Variants in ZFHX3 observed in about 807,000 individuals in gnomAD.
The protein encoded by ZFHX3 is zinc finger homeobox protein 3.
A neutral mutation model predicts 279.1 loss-of-function variants in ZFHX3; 42 were observed. The observed-to-expected ratio is 0.15, with a 90% CI of 0.12 to 0.19. The LOEUF is 0.19. Among genes scored for constraint, ZFHX3 ranks in the 10% least tolerant of loss-of-function variants. The pLI is 1.00. For missense variants in ZFHX3, 4,981 were observed against 4,754.0 expected, an observed-to-expected ratio of 1.05 and a Z score of -1.40; for synonymous variants, 2,293 against 1,957.8, an observed-to-expected ratio of 1.17 and a Z score of -4.52.
chr16:73,487,195 A>T (rs1384258582), intron 2 of ZFHX3, among the ~76,000 whole-genome samples: 1 of 152,194 alleles, frequency 6.6e-6, no homozygotes, highest in African/African-American at 2.4e-5. Flanking sequence ...AGGATTCCCG[A>T]GTGGAGGTTC....
chr16:73,362,849 A>C lies in ZFHX3; in HGVS notation c.-1290-44513T>G, dbSNP rs190192877. On this transcript the variant is annotated intron_variant, in intron 3 of 17. Coordinates refer to the ZFHX3 transcript ENST00000641206. Reference sequence around the variant, plus strand: ...TAGCAAACAGAGTACGGTCAAACAAAACTCCTGGCAGCTTTGTATCTCTTT... The same window carrying C: ...TAGCAAACAGAGTACGGTCAAACAACACTCCTGGCAGCTTTGTATCTCTTT... Among the ~76,000 whole-genome samples, 339 of 152,334 alleles carry C rather than the reference A, an allele frequency of 2.2e-3. 1 individual carries two copies. Among genetic ancestry groups the C allele is most frequent in the Non-Finnish European group, 1.7e-3 (115 of 68,034 alleles).
chr16:73,831,306 A>T (rs1017812470), intron 1 of ZFHX3, among the ~76,000 whole-genome samples: 1 of 152,238 alleles, frequency 6.6e-6, no homozygotes, highest in Non-Finnish European at 1.5e-5. Context: ...CGGAAGCAGC[A>T]GGCCATGTGT....
rs115547224 is a variant in ZFHX3 at position 73,284,760 on chromosome 16, A to G, written c.-1193-27624T>C. ...TTGTTTGGGAGTTTACTTTGCTTCT[A>G]TTTTTTCAATATTATGACCAACACT... On this transcript the variant is annotated intron_variant, in intron 4 of 17. Coordinates refer to the ZFHX3 transcript ENST00000641206. 5.0e-3 allele frequency among the ~76,000 whole-genome samples: 765 copies of G among 152,042 alleles called. 9 individuals carry two copies. The highest frequency in any genetic ancestry group is 0.018 in the African/African-American group (729 of 41,466).
chr16:73,073,537 T>A (rs1016457807), intron 8 of ZFHX3, among the ~76,000 whole-genome samples: 2 of 152,186 alleles, frequency 1.3e-5, no homozygotes, highest in Non-Finnish European at 2.9e-5. Flanking sequence ...ATCACTCTTT[T>A]GCCCAGGTTG....
chr16:73,697,212 A>C (rs8054209), intron 1 of ZFHX3, among the ~76,000 whole-genome samples: 22,457 of 150,534 alleles, frequency 0.15, 1,778 homozygotes, highest in Non-Finnish European at 0.18. Flanking sequence ...CATGAATTCT[A>C]ACCTCTTTTT....
intron 3 of ZFHX3, among the ~76,000 whole-genome samples, chr16:72,942,651 A>C (rs1301838523): frequency 6.6e-6 from 1 of 152,228 alleles, no homozygotes; most frequent in Admixed American, 6.5e-5. Flanking sequence ...TATACTGGAA[A>C]TATGTCGACA....
At chr16:72,873,214 C>T (rs1481076979) in intron 4 of ZFHX3, among the ~76,000 whole-genome samples, 4 of 152,258 alleles carry the variant, frequency 2.6e-5, no homozygotes, top group Non-Finnish European at 5.9e-5. Context: ...TTTTATATTC[C>T]CTCACAGCAA....
intron 2 of ZFHX3, among the ~76,000 whole-genome samples, chr16:73,622,075 C>T (rs928311618): frequency 6.6e-5 from 10 of 152,174 alleles, no homozygotes; most frequent in African/African-American, 1.7e-4. Flanking sequence ...CTCACCTGAC[C>T]CAAAACTTCC....
rs28478926 is a variant in ZFHX3, at chr16:73,140,577, C to T, written c.-1024+3175G>A. On this transcript the variant is annotated intron_variant, in intron 6 of 17. Transcript: ENST00000641206. ...TCATACCTGAAACAAATGGGGAGGC[C>T]GGGCGTGGCGGCTCACACTTGTAAT... Among the ~76,000 whole-genome samples, 1,454 of 152,160 alleles carry T rather than the reference C, an allele frequency of 9.6e-3. 29 individuals are homozygous for T. The highest frequency in any genetic ancestry group is 0.033 in the African/African-American group (1,381 of 41,526).
At chr16:73,410,228 C>T (rs903636963) in intron 3 of ZFHX3, among the ~76,000 whole-genome samples, 8 of 151,990 alleles carry the variant, frequency 5.3e-5, no homozygotes, top group African/African-American at 1.9e-4. Context: ...CCAGTCTGAC[C>T]AACATGGTGA....
intron 5 of ZFHX3, among the ~76,000 whole-genome samples, chr16:73,190,523 A>G (rs981600527): frequency 6.6e-6 from 1 of 152,218 alleles, no homozygotes; most frequent in African/African-American, 2.4e-5. Flanking sequence ...AAATGTTATA[A>G]GGACAAACTA....
chr16:72,872,175 T>C (rs1480058439), intron 4 of ZFHX3, among the ~76,000 whole-genome samples: 1 of 152,202 alleles, frequency 6.6e-6, no homozygotes, highest in East Asian at 1.9e-4. Context: ...TCCAATTATA[T>C]AATTTTGTAT....
chr16:73,768,054 C>A (rs184104682), intron 1 of ZFHX3, among the ~76,000 whole-genome samples: 1 of 152,128 alleles, frequency 6.6e-6, no homozygotes, highest in Admixed American at 6.5e-5. Context: ...GAGAAGGGTA[C>A]CAGAAAGGAT....
At chr16:72,981,782 A>G (rs141268333) in intron 1 of ZFHX3, among the ~76,000 whole-genome samples, 2 of 152,200 alleles carry the variant, frequency 1.3e-5, no homozygotes, top group Admixed American at 6.5e-5. Context: ...CGGGGACCCC[A>G]ATATGTGACC....
intron 3 of ZFHX3, among the ~76,000 whole-genome samples, chr16:72,902,826 C>T (rs2039074372): frequency 6.6e-6 from 1 of 152,012 alleles, no homozygotes; most frequent in Non-Finnish European, 1.5e-5. Flanking sequence ...ACCAAACAGC[C>T]AGAGAGATGG....
At chr16:73,444,421 A>G (rs941377565) in intron 3 of ZFHX3, among the ~76,000 whole-genome samples, 6 of 152,180 alleles carry the variant, frequency 3.9e-5, no homozygotes, top group African/African-American at 1.4e-4. Context: ...TTATTCAATG[A>G]GTCTGGAAAT....
chr16:73,000,150 G>C (rs1300126400), intron 1 of ZFHX3, among the ~76,000 whole-genome samples: 1 of 152,162 alleles, frequency 6.6e-6, no homozygotes, highest in African/African-American at 2.4e-5. Flanking sequence ...CCGGGCAGAA[G>C]AACAGAGCAG....
intron 7 of ZFHX3, among the ~76,000 whole-genome samples, chr16:73,129,704 GTGCATGTGTA>G (rs1459024721): frequency 5.7e-5 from 8 of 140,748 alleles, no homozygotes; most frequent in African/African-American, 2.1e-4. Flanking sequence ...GTGCATGTGT[GTGCATGTGTA>G]TGTGTGTGTG....
intron 1 of ZFHX3, among the ~76,000 whole-genome samples, chr16:73,013,252 T>A (rs1963977819): frequency 6.6e-6 from 1 of 152,216 alleles, no homozygotes; most frequent in Non-Finnish European, 1.5e-5. Context: ...CTTGGATTCT[T>A]TCTTTACAGG....
Sources: gnomAD v4.1 joint callset for allele counts (sites outside exome capture counted in the v4.1 genomes callset) on GRCh38, gnomAD v4.1.1 for gene constraint, MANE v1.5 for transcripts, NCBI Gene and HGNC (gene_info 2026-07-23, HGNC 2026-07-21) for gene names.